SUPT20H: variants seen among roughly 807,000 people sequenced by gnomAD.
SUPT20H encodes the protein SPT20 homolog, SAGA complex component, also known as transcription factor SPT20 homolog.
Under a neutral mutation model 122.8 loss-of-function variants are expected in SUPT20H, and 82 were observed. The ratio of observed to expected loss-of-function variants is 0.67; its 90% CI spans 0.56 to 0.80. SUPT20H has a LOEUF of 0.80. SUPT20H is among the 30% of genes least tolerant of loss of function. SUPT20H has a pLI of 0.00. For missense variants in SUPT20H, 831 were observed against 921.6 expected, an observed-to-expected ratio of 0.90 and a Z score of 1.27; for synonymous variants, 291 against 313.0, an observed-to-expected ratio of 0.93 and a Z score of 0.74.
chr13:37,013,961 C>G (rs985431999), intron 23 of SUPT20H: 1 of 151,992 alleles, frequency 6.6e-6, no homozygotes, highest in African/African-American at 2.4e-5. Context: ...CAATTTCCCC[C>G]CAAAGCACTC....
chr13:37,026,129 G>C, intron 16 of SUPT20H, 75 bp downstream of exon 16: 1 of 1,225,220 alleles, frequency 8.2e-7, no homozygotes, highest in Non-Finnish European at 1.2e-6. Context: ...TTAACTCCTA[G>C]TATTCTCTAT....
intron 24 of SUPT20H, 110 bp downstream of exon 24, chr13:37,012,082 C>G: frequency 1.2e-6 from 1 of 807,018 alleles, no homozygotes; most frequent in Non-Finnish European, 2.0e-6. Context: ...TTTACTTTTT[C>G]CTGTTTACTG....
In SUPT20H at chr13:37,022,363, C is replaced by T. The variant is rs2061560285; in HGVS notation, c.1592-283G>A. The T allele has an allele frequency of 7.4e-7, 1 of 1,344,746 alleles. No homozygotes were observed. The highest frequency in any genetic ancestry group is 9.5e-7 in the Non-Finnish European group (1 of 1,048,666). The allele number at this position is 1,344,746 out of a possible 1,614,324, so 83.3% of individuals were successfully genotyped here. ...AAATTGCTAGTTTGTTATAAATGGC[C>T]AGTCCTTTTAAAATAAGGTTAATGG... On this transcript the variant is annotated intron_variant, in intron 19 of 25. Transcript: ENST00000350612. The surrounding 1 kb of genome is among the most constrained non-coding windows in gnomAD (Gnocchi z 4.5).
intron 24 of SUPT20H, 45 bp downstream of exon 24, chr13:37,012,147 G>C (rs751244085): frequency 2.1e-6 from 3 of 1,429,548 alleles, no homozygotes; most frequent in Non-Finnish European, 2.0e-6. Flanking sequence ...AAATAGATTA[G>C]ATATGTTTAG....
At chr13:37,037,003 T>C (rs1307301143) in intron 9 of SUPT20H, among the ~76,000 whole-genome samples, 1 of 151,994 alleles carries the variant, frequency 6.6e-6, no homozygotes, top group Admixed American at 6.6e-5. Flanking sequence ...GAGATCAGCC[T>C]GGGCAACACA....
chr13:37,010,893 C>T (rs1413124663), intron 24 of SUPT20H: 4 of 364,492 alleles, frequency 1.1e-5, no homozygotes, highest in Non-Finnish European at 2.0e-5. Context: ...TGTATCAAAG[C>T]ACTGAACCTC....
chr13:37,016,593 G>C (rs1294333512), intron 23 of SUPT20H, among the ~76,000 whole-genome samples: 1 of 152,156 alleles, frequency 6.6e-6, no homozygotes, highest in African/African-American at 2.4e-5. Context: ...TCTATTAGAG[G>C]ATGAGCTTTA....
At position 37,009,694 on chromosome 13, in the gene SUPT20H, G is replaced by T; in HGVS notation, c.2318C>A (p.Thr773Lys). Residue 773 changes from threonine (T) to lysine (K), a missense_variant, in exon 26 of 26, where the codon ACG becomes AAG. Coordinates refer to ENST00000350612, the MANE Select transcript of SUPT20H (RefSeq NM_001014286.3). ...GACTCAAAATTTTGGAGTGGTTGGC[G>T]TGCCTCTCTTCATTTTACTTTTTGA... ...SQSKSKMKRG[T>K]PTTPKF 1 of 1,613,572 alleles carries T rather than the reference G, an allele frequency of 6.2e-7. No homozygotes were observed. The highest frequency in any genetic ancestry group is 1.3e-5 in the African/African-American group (1 of 74,918).
chr13:37,043,396 C>T (rs2065853799), intron 7 of SUPT20H, among the ~76,000 whole-genome samples: 1 of 146,640 alleles, frequency 6.8e-6, no homozygotes, highest in South Asian at 2.1e-4. Context: ...GAGTGCTTAC[C>T]TAGGCAAGCT....
chr13:37,024,154 T>G lies in SUPT20H; in HGVS notation c.1472A>C (p.Lys491Thr). 6.2e-7 allele frequency: 1 copy of G among 1,613,644 alleles called. No homozygotes were observed. Among genetic ancestry groups the G allele is most frequent in the South Asian group, 1.1e-5 (1 of 91,032 alleles). Residue 491 changes from lysine (K) to threonine (T), a missense_variant, in exon 19 of 26, where the codon AAA becomes ACA. Physicochemically the swap from Lys to Thr is moderately conservative, Grantham distance 78 (BLOSUM62 -1). Transcript: ENST00000350612. ...AGAAGAAGGAGGAGGAGTTGGAGAT[T>G]TGAGAAAGCTGCTTGTCTGTTGTGG... ...FTPQQTSSFLKSPTPPPSSKP... is the reference protein window; with the variant it reads ...FTPQQTSSFLTSPTPPPSSKP...
At chr13:37,018,000 CA>C (rs1467129181) in intron 22 of SUPT20H, among the ~76,000 whole-genome samples, 2 of 151,988 alleles carry the variant, frequency 1.3e-5, no homozygotes, top group Non-Finnish European at 2.9e-5. Context: ...CACCAAAAAA[CA>C]AACAGTTTTT....
Position 37,026,790 on chromosome 13 carries a change from C to A in SUPT20H, c.1178G>T (p.Trp393Leu). The A allele has an allele frequency of 1.4e-6, 2 of 1,411,560 alleles. No individual in the cohort carries two copies. The highest frequency in any genetic ancestry group is 1.9e-6 in the Non-Finnish European group (2 of 1,063,242). 87.4% of individuals were successfully genotyped at this position (1,411,560 alleles called of 1,614,324 possible). The change falls in exon 15 of 26, where the codon TGG becomes TTG. Residue 393 changes from tryptophan to leucine, a missense_variant and splice_region_variant. Physicochemically the swap from Trp to Leu is moderately conservative, Grantham distance 61 (BLOSUM62 -2). Transcript: ENST00000350612. ...SHSSTDDHSNWFIIGSKTDAE... is the reference protein window; with the variant it reads ...SHSSTDDHSNLFIIGSKTDAE... ...TTAAAATAGTTTATTTTTTAATTAC[C>A]AATTTGAATGATCATCTGTGGACGA...
chr13:37,041,213 A>C (rs2065405770), intron 7 of SUPT20H, among the ~76,000 whole-genome samples: 1 of 152,214 alleles, frequency 6.6e-6, no homozygotes, highest in African/African-American at 2.4e-5. Context: ...CTAAATATAA[A>C]ATTCAAATGA....
At chr13:37,034,944 T>C (rs181039737) in intron 9 of SUPT20H, among the ~76,000 whole-genome samples, 5 of 152,350 alleles carry the variant, frequency 3.3e-5, no homozygotes, top group Admixed American at 6.5e-5. Context: ...ATCTGTTTAC[T>C]GCATGTTTTA....
At chr13:37,048,483 C>A in intron 3 of SUPT20H, 81 bp downstream of exon 3, 1 of 1,323,990 alleles carries the variant, frequency 7.6e-7, no homozygotes, top group South Asian at 1.5e-5. Flanking sequence ...CTTTAAAAAT[C>A]ACATACAAAA....
chr13:37,040,466 A>C lies in SUPT20H; in HGVS notation c.514-8T>G, dbSNP rs377745814. On this transcript the variant is annotated splice_region_variant and splice_polypyrimidine_tract_variant and intron_variant, in intron 8 of 25. Transcript: ENST00000350612. Reference sequence around the variant, plus strand: ...TACATCACAAATTAAAGTCTAGAAGAAATAAAAATTTAAAAAACTTATTAA... The same window carrying C: ...TACATCACAAATTAAAGTCTAGAAGCAATAAAAATTTAAAAAACTTATTAA... The C allele has an allele frequency of 8.2e-6, 13 of 1,576,944 alleles. No individual in the cohort carries two copies. In the African/African-American group the frequency reaches 1.8e-4, roughly 22 times the overall value.
At chr13:37,035,794 G>A (rs1013683194) in intron 9 of SUPT20H, among the ~76,000 whole-genome samples, 6 of 152,168 alleles carry the variant, frequency 3.9e-5, no homozygotes, top group Admixed American at 2.0e-4. Flanking sequence ...CCTCCCAAAA[G>A]TGCTGGGATT....
At chr13:37,030,853 C>A (rs2063170896) in intron 12 of SUPT20H, among the ~76,000 whole-genome samples, 1 of 152,170 alleles carries the variant, frequency 6.6e-6, no homozygotes, top group South Asian at 2.1e-4. Flanking sequence ...GCTGTATATA[C>A]AGTCTACTGC....
At chr13:37,036,402 G>A (rs949559668) in intron 9 of SUPT20H, among the ~76,000 whole-genome samples, 7 of 150,308 alleles carry the variant, frequency 4.7e-5, no homozygotes, top group Admixed American at 2.7e-4. Context: ...TCAGCTCACC[G>A]CAACCTCCAC....
Sources: gnomAD v4.1 joint callset for allele counts (sites outside exome capture counted in the v4.1 genomes callset) on GRCh38, gnomAD v4.1.1 for gene constraint, Gnocchi (gnomAD v3.1) non-coding constraint, MANE v1.5 for transcripts, NCBI Gene and HGNC (gene_info 2026-07-23, HGNC 2026-07-21) for gene names.